Variants in SMAP1 observed in about 807,000 individuals in gnomAD.
The protein encoded by SMAP1 is small ArfGAP 1.
In SMAP1, 24 loss-of-function variants were observed where a neutral mutation model predicts 58.5. The observed-to-expected ratio is 0.41, with a 90% CI of 0.30 to 0.58. The LOEUF is 0.58. Ranked by LOEUF, SMAP1 falls within the 20% of genes least tolerant of loss-of-function variation. The probability of loss-of-function intolerance (pLI) is 0.29; values close to 1 mark genes in which losing one functional copy is unlikely to be tolerated. For missense variants in SMAP1, 563 were observed against 566.3 expected (o/e 0.99, Z 0.06); for synonymous variants, 216 against 196.6 (o/e 1.10, Z -0.82).
intron 6 of SMAP1, among the ~76,000 whole-genome samples, chr6:70,809,568 A>G (rs767662616): frequency 6.6e-6 from 1 of 152,220 alleles, no homozygotes; most frequent in African/African-American, 2.4e-5. Context: ...TTGATAGGTT[A>G]TGTTGTTTAA....
chr6:70,710,470 G>C (rs968740207), intron 1 of SMAP1, among the ~76,000 whole-genome samples: 23 of 140,236 alleles, frequency 1.6e-4, no homozygotes, highest in Non-Finnish European at 1.5e-5. Flanking sequence ...CTCCAGCCTG[G>C]TGACAGAGCG....
In SMAP1 at chr6:70,852,637, A is replaced by G; in HGVS notation, c.762A>G (p.Leu254=). ...DIFGPMISNP[L]PATVMPPAQG... is the part of the protein sequence containing the mutation. ...TTGGACCGATGATTTCTAATCCCTT[A>G]CCTGCAACTGTCATGCCCCCAGCTC... Residue 254 remains leucine (L), a synonymous_variant, in exon 8 of 11, where the codon TTA becomes TTG. Transcript: ENST00000370455. The G allele has an allele frequency of 2.5e-6, 4 of 1,608,342 alleles. No individual in the cohort carries two copies. Among genetic ancestry groups the G allele is most frequent in the Non-Finnish European group, 3.4e-6 (4 of 1,177,210 alleles).
intron 6 of SMAP1, among the ~76,000 whole-genome samples, chr6:70,829,970 G>A (rs1318479039): frequency 6.6e-6 from 1 of 152,124 alleles, no homozygotes; most frequent in Non-Finnish European, 1.5e-5. Context: ...ATATTCTGTG[G>A]GGTAGCGTTA....
intron 2 of SMAP1, among the ~76,000 whole-genome samples, chr6:70,753,507 C>A (rs988110170): frequency 1.3e-4 from 20 of 152,100 alleles, no homozygotes; most frequent in Non-Finnish European, 2.9e-5. Context: ...CACAAAGATG[C>A]AGCATCATTT....
intron 3 of SMAP1, among the ~76,000 whole-genome samples, chr6:70,755,411 C>T (rs1766446751): frequency 6.6e-6 from 1 of 151,938 alleles, no homozygotes; most frequent in Non-Finnish European, 1.5e-5. Context: ...ACTAGTGTAA[C>T]CATTCTGTTT....
chr6:70,739,155 T>C (rs1765723410), intron 2 of SMAP1, among the ~76,000 whole-genome samples: 1 of 152,144 alleles, frequency 6.6e-6, no homozygotes, highest in South Asian at 2.1e-4. Context: ...CAAGAATGTA[T>C]TGCTTTGATC....
At chr6:70,793,003 G>A (rs759923550) in intron 5 of SMAP1, among the ~76,000 whole-genome samples, 4 of 152,008 alleles carry the variant, frequency 2.6e-5, no homozygotes, top group Non-Finnish European at 4.4e-5. Context: ...CAGAGGGAAT[G>A]TAAAAGAGAG....
At chr6:70,788,100 C>T (rs1197911858) in intron 4 of SMAP1, among the ~76,000 whole-genome samples, 2 of 151,656 alleles carry the variant, frequency 1.3e-5, no homozygotes, top group East Asian at 3.9e-4. Context: ...CGCATATACA[C>T]CATGGAATAC....
rs185918469 is a variant in SMAP1 at position 70,692,945 on chromosome 6, G to A, written c.118+24804G>A. On this transcript the variant is annotated intron_variant, in intron 1 of 10. Transcript: ENST00000370455. ...ACTACAGGTGCCCACTACCATGCCC[G>A]GCTAATTTTTTGTATTTTTAGTAGA... is the stretch of plus-strand genomic sequence containing the variant. Among the ~76,000 whole-genome samples the A allele has an allele frequency of 2.4e-3, 365 of 151,924 alleles. 4 individuals are homozygous for A. The highest frequency in any genetic ancestry group is 0.019 in the Admixed American group (291 of 15,246).
intron 1 of SMAP1, among the ~76,000 whole-genome samples, chr6:70,696,468 A>G (rs1056183023): frequency 6.6e-6 from 1 of 152,196 alleles, no homozygotes; most frequent in Non-Finnish European, 1.5e-5. Context: ...GTTTCAAGAC[A>G]TTTAAAATTT....
chr6:70,702,721 C>G (rs898591350), intron 1 of SMAP1, among the ~76,000 whole-genome samples: 21 of 151,670 alleles, frequency 1.4e-4, no homozygotes, highest in African/African-American at 4.8e-4. Context: ...ACTGCAACCT[C>G]CCAGGCTCAA....
intron 2 of SMAP1, among the ~76,000 whole-genome samples, chr6:70,753,060 C>A (rs1453234568): frequency 6.6e-6 from 1 of 151,224 alleles, no homozygotes; most frequent in Non-Finnish European, 1.5e-5. Context: ...TTTTTTATTT[C>A]CCCCCCGAGA....
At chr6:70,697,919 C>T (rs564516155) in intron 1 of SMAP1, among the ~76,000 whole-genome samples, 1 of 152,166 alleles carries the variant, frequency 6.6e-6, no homozygotes, top group Non-Finnish European at 1.5e-5. Context: ...CCTTTCTACT[C>T]AAGATATGAA....
chr6:70,861,987 A>G lies in SMAP1; in HGVS notation c.*1653A>G. 1.3e-6 allele frequency: 2 copies of G among 1,570,698 alleles called. No homozygotes were observed. The highest frequency in any genetic ancestry group is 1.7e-6 in the Non-Finnish European group (2 of 1,163,930). On this transcript the variant is annotated 3_prime_UTR_variant, in exon 11 of 11. Transcript: ENST00000370455. Reference sequence around the variant, plus strand: ...AAGACTTACAGCAAATCCTTTGTGAAAAATAAAAAAAAAAAAGAGACTTTA... The same window carrying G: ...AAGACTTACAGCAAATCCTTTGTGAGAAATAAAAAAAAAAAAGAGACTTTA...
At chr6:70,672,907 A>T (rs994904575) in intron 1 of SMAP1, among the ~76,000 whole-genome samples, 7 of 151,902 alleles carry the variant, frequency 4.6e-5, no homozygotes, top group Admixed American at 1.3e-4. Flanking sequence ...AGAACAGAAG[A>T]AGTTTCCATA....
chr6:70,688,974 G>T (rs1319981063), intron 1 of SMAP1, among the ~76,000 whole-genome samples: 1 of 144,864 alleles, frequency 6.9e-6, no homozygotes, highest in East Asian at 2.0e-4. Context: ...ATGGATCAAA[G>T]TTTTTTTTTT....
At chr6:70,813,271 C>T (rs1001397375) in intron 6 of SMAP1, among the ~76,000 whole-genome samples, 1 of 151,950 alleles carries the variant, frequency 6.6e-6, no homozygotes, top group Admixed American at 6.6e-5. Context: ...GTTTGCTTCT[C>T]CAACTGAGTA....
chr6:70,704,292 C>T (rs1767751121), intron 1 of SMAP1, among the ~76,000 whole-genome samples: 1 of 152,176 alleles, frequency 6.6e-6, no homozygotes, highest in African/African-American at 2.4e-5. Context: ...CCAATGAAAG[C>T]TTGATACTGC....
At chr6:70,816,511 A>G (rs1330790380) in intron 6 of SMAP1, among the ~76,000 whole-genome samples, 6 of 152,168 alleles carry the variant, frequency 3.9e-5, no homozygotes, top group Non-Finnish European at 7.4e-5. Context: ...CTGCTTCTCA[A>G]AGAATGATTG....
Sources: allele counts gnomAD v4.1 joint callset (sites outside exome capture counted in the v4.1 genomes callset), GRCh38; gene constraint gnomAD v4.1.1; transcripts MANE v1.5; gene names NCBI Gene and HGNC (gene_info 2026-07-23, HGNC 2026-07-21).